Variants in NEK7 observed in about 807,000 individuals in gnomAD.
NEK7 encodes the protein serine/threonine-protein kinase Nek7.
NEK7 carries 18 observed loss-of-function variants against 44.6 expected under a neutral mutation model. The ratio of observed to expected loss-of-function variants is 0.40; its 90% CI spans 0.28 to 0.60. The LOEUF is 0.60. Ranked by LOEUF, NEK7 falls within the 20% of genes least tolerant of loss-of-function variation. NEK7 has a pLI of 0.38. For synonymous variants in NEK7, 130 were observed against 121.1 expected, an observed-to-expected ratio of 1.07 and a Z score of -0.48; for missense variants, 256 against 366.5, an observed-to-expected ratio of 0.70 and a Z score of 2.46.
intron 2 of NEK7, among the ~76,000 whole-genome samples, chr1:198,246,019 C>G (rs1041225816): frequency 6.6e-5 from 10 of 152,188 alleles, no homozygotes; most frequent in African/African-American, 1.7e-4. Flanking sequence ...AAAAATAGTT[C>G]TTTACTTGAG....
At chr1:198,169,804 C>T (rs1664382354) in intron 1 of NEK7, among the ~76,000 whole-genome samples, 1 of 152,180 alleles carries the variant, frequency 6.6e-6, no homozygotes, top group Admixed American at 6.5e-5. Flanking sequence ...CTTATTGAGT[C>T]TTGTTGTAGT....
chr1:198,290,822 A>T (rs962307804), intron 7 of NEK7, among the ~76,000 whole-genome samples: 10 of 152,210 alleles, frequency 6.6e-5, no homozygotes, highest in Non-Finnish European at 1.3e-4. Flanking sequence ...CTTGTTATTT[A>T]TATTAAGAAT....
chr1:198,249,831 G>A (rs886353219), intron 2 of NEK7, among the ~76,000 whole-genome samples: 1 of 104,492 alleles, frequency 9.6e-6, no homozygotes, highest in African/African-American at 5.8e-5. Context: ...CTCCCATTTT[G>A]TAGGTTGCCT....
chr1:198,248,847 G>T, intron 2 of NEK7, among the ~76,000 whole-genome samples: 1 of 151,228 alleles, frequency 6.6e-6, no homozygotes, highest in East Asian at 1.9e-4. Context: ...TTCTTTTTTT[G>T]TGTGTGTGGG....
At chr1:198,188,573 G>A (rs188304639) in intron 1 of NEK7, among the ~76,000 whole-genome samples, 6 of 152,110 alleles carry the variant, frequency 3.9e-5, no homozygotes, top group East Asian at 3.9e-4. Flanking sequence ...ACTTTGACCC[G>A]TGCCACTAGC....
At chr1:198,208,771 A>G (rs1665672434) in intron 1 of NEK7, among the ~76,000 whole-genome samples, 1 of 152,180 alleles carries the variant, frequency 6.6e-6, no homozygotes, top group Non-Finnish European at 1.5e-5. Context: ...GTCCTTAGCC[A>G]AATCATGGGG....
chr1:198,293,147 T>C (rs1025918857), intron 8 of NEK7, 108 bp downstream of exon 8: 2 of 613,014 alleles, frequency 3.3e-6, no homozygotes, highest in Admixed American at 2.8e-5. Context: ...GAATCACCTT[T>C]TTAATTGTGA....
intron 8 of NEK7, among the ~76,000 whole-genome samples, chr1:198,296,190 T>C (rs1654711544): frequency 6.6e-6 from 1 of 152,164 alleles, no homozygotes; most frequent in Admixed American, 6.5e-5. Flanking sequence ...GTCTGGGGAA[T>C]GTACACATTG....
chr1:198,158,659 T>C (rs767051101), intron 1 of NEK7, among the ~76,000 whole-genome samples: 1 of 152,232 alleles, frequency 6.6e-6, no homozygotes, highest in Non-Finnish European at 1.5e-5. Flanking sequence ...GTTAACCCTC[T>C]AATGCTTTGT....
intron 5 of NEK7, among the ~76,000 whole-genome samples, chr1:198,265,774 G>A (rs889219190): frequency 6.6e-6 from 1 of 151,934 alleles, no homozygotes; most frequent in Non-Finnish European, 1.5e-5. Context: ...TGATTTCCTG[G>A]GCAGGTAGGA....
intron 2 of NEK7, among the ~76,000 whole-genome samples, chr1:198,247,084 A>G (rs1409913307): frequency 6.6e-6 from 1 of 152,222 alleles, no homozygotes; most frequent in Non-Finnish European, 1.5e-5. Flanking sequence ...TTACATATAT[A>G]TCATTTTGTC....
At chr1:198,222,025 A>T (rs1309716368) in intron 1 of NEK7, among the ~76,000 whole-genome samples, 3 of 151,956 alleles carry the variant, frequency 2.0e-5, no homozygotes, top group East Asian at 1.9e-4. Context: ...TATCAGGGTC[A>T]TATGAATTAT....
intron 1 of NEK7, among the ~76,000 whole-genome samples, chr1:198,193,342 A>G (rs1202981235): frequency 1.3e-5 from 2 of 152,206 alleles, no homozygotes; most frequent in Non-Finnish European, 2.9e-5. Context: ...AAAAAAGCCC[A>G]GGACCAGACA....
intron 1 of NEK7, among the ~76,000 whole-genome samples, chr1:198,216,045 GAACAAATGAACCTGCACCGTA>G (rs1386431761): frequency 7.2e-5 from 11 of 152,002 alleles, no homozygotes; most frequent in Non-Finnish European, 1.5e-4. Context: ...CTGCGCTCTA[GAACAAATGAACCTGCACCGTA>G]AACAAATGAA....
chr1:198,189,696 A>G (rs1665019373), intron 1 of NEK7, among the ~76,000 whole-genome samples: 1 of 152,172 alleles, frequency 6.6e-6, no homozygotes, highest in Admixed American at 6.5e-5. Flanking sequence ...CTTTTGGGAC[A>G]AACAGCTTAA....
At chr1:198,310,864 G>A (rs1655160917) in intron 9 of NEK7, among the ~76,000 whole-genome samples, 1 of 151,648 alleles carries the variant, frequency 6.6e-6, no homozygotes, top group African/African-American at 2.4e-5. Context: ...TTTGAAGTCA[G>A]GTAGTGTGAT....
At position 198,229,802 on chromosome 1, in the gene NEK7, G is replaced by A. The variant is rs1004632575; in HGVS notation, c.-28-2751G>A. Reference sequence around the variant, plus strand: ...AGAGTCTCCTTGACCTTCTTTATGGGATACTGTAGAAATGAGTTCTTTATG... The same window carrying A: ...AGAGTCTCCTTGACCTTCTTTATGGAATACTGTAGAAATGAGTTCTTTATG... On this transcript the variant is annotated intron_variant, in intron 1 of 9. Coordinates refer to ENST00000367385, the MANE Select transcript of NEK7 (RefSeq NM_133494.3). 2.0e-5 allele frequency among the ~76,000 whole-genome samples: 3 copies of A among 150,162 alleles called. 1 individual carries two copies. The Admixed American group carries it at 2.0e-4, about 10-fold the overall frequency.
intron 1 of NEK7, among the ~76,000 whole-genome samples, chr1:198,219,346 ATG>A (rs942713591): frequency 6.6e-6 from 1 of 151,142 alleles, no homozygotes. Flanking sequence ...GTATATATAT[ATG>A]TGTGTGTGTA....
rs536813942 is a variant in NEK7 at position 198,237,465 on chromosome 1, C to G, written c.57+4828C>G. 2.6e-5 allele frequency among the ~76,000 whole-genome samples: 4 copies of G among 152,274 alleles called. No homozygotes were observed. The East Asian group carries it at 5.8e-4, about 22-fold the overall frequency. ...CATCTTCTCCTTCTCAGTGGCAAGT[C>G]TATCCTTCCAGTTGCTGAGGTTAAA... On this transcript the variant is annotated intron_variant, in intron 2 of 9. Transcript: ENST00000367385.
Sources: allele counts gnomAD v4.1 joint callset (sites outside exome capture counted in the v4.1 genomes callset), GRCh38; gene constraint gnomAD v4.1.1; transcripts MANE v1.5; gene names NCBI Gene and HGNC (gene_info 2026-07-23, HGNC 2026-07-21).